The following FGD5 variants were observed in gnomAD, a reference collection of about 807,000 sequenced individuals.
FGD5 encodes the protein FYVE, RhoGEF and PH domain-containing protein 5.
Under a neutral mutation model 133.4 loss-of-function variants are expected in FGD5, and 28 were observed. The ratio of observed to expected loss-of-function variants is 0.21; its 90% CI spans 0.16 to 0.29. The LOEUF (loss-of-function observed/expected upper bound fraction) is 0.29, where lower values mean the gene tolerates loss of function less well. Among genes scored for constraint, FGD5 ranks in the 10% least tolerant of loss-of-function variants. The pLI is 1.00. For missense variants in FGD5, 1,858 were observed against 1,895.2 expected (o/e 0.98, Z 0.36); for synonymous variants, 810 against 776.5 (o/e 1.04, Z -0.72).
At chr3:14,876,475 A>G (rs2037722004) in intron 2 of FGD5, among the ~76,000 whole-genome samples, 1 of 152,248 alleles carries the variant, frequency 6.6e-6, no homozygotes. Flanking sequence ...TGCATTTTAA[A>G]ATAACAAACC....
rs1282217739 is a variant in FGD5 at position 14,917,725 on chromosome 3, C to T, written c.3489+393C>T. Among the ~76,000 whole-genome samples the T allele has an allele frequency of 2.0e-5, 3 of 152,148 alleles. No homozygotes were observed. Among genetic ancestry groups the T allele is most frequent in the Non-Finnish European group, 2.9e-5 (2 of 68,034 alleles). The stretch of plus-strand genomic sequence containing the variant: ...CATTTTTAAATGTACAGTTCTGTGG[C>T]ACTAAGCACATTTACATTGCTGTGT... On this transcript the variant is annotated intron_variant, in intron 12 of 19. Coordinates refer to ENST00000285046, the MANE Select transcript of FGD5 (RefSeq NM_152536.4). The surrounding 1 kb of genome is among the most constrained non-coding windows in gnomAD (Gnocchi z 4.1).
At chr3:14,919,291 C>T (rs1025350086) in intron 13 of FGD5, among the ~76,000 whole-genome samples, 10 of 152,070 alleles carry the variant, frequency 6.6e-5, no homozygotes, top group South Asian at 4.1e-4. Flanking sequence ...GTTGCCCTGT[C>T]TGTGTGGTGT....
intron 1 of FGD5, among the ~76,000 whole-genome samples, chr3:14,852,101 A>G (rs2037175278): frequency 6.6e-6 from 1 of 152,270 alleles, no homozygotes; most frequent in Admixed American, 6.5e-5. Flanking sequence ...TTCTAGGTAT[A>G]TACCCAAGAG....
At chr3:14,872,852 A>T (rs974750044) in intron 2 of FGD5, among the ~76,000 whole-genome samples, 1 of 152,160 alleles carries the variant, frequency 6.6e-6, no homozygotes, top group Admixed American at 6.5e-5. Flanking sequence ...CTGGTAGAAC[A>T]GGGGGCTTAG....
Position 14,917,263 on chromosome 3 carries a change from C to T in FGD5, c.3420C>T (p.Leu1140=), listed in dbSNP as rs373345395. The T allele has an allele frequency of 6.4e-5, 104 of 1,613,452 alleles. No homozygotes were observed. The highest frequency in any genetic ancestry group is 8.5e-5 in the Non-Finnish European group (100 of 1,179,754). Residue 1140 remains leucine, a synonymous_variant, in exon 12 of 20, where the codon CTC becomes CTT. Coordinates refer to ENST00000285046, the MANE Select transcript of FGD5 (RefSeq NM_152536.4). The surrounding 1 kb of genome is among the most constrained non-coding windows in gnomAD (Gnocchi z 4.1). ...PRHLFLMNDV[L]LYTYPQKDGK... ...CCTCTCTCCAGATGAACGATGTGCT[C>T]CTGTACACCTATCCCCAGAAGGATG...
intron 2 of FGD5, among the ~76,000 whole-genome samples, chr3:14,876,338 G>C (rs931190852): frequency 6.6e-6 from 1 of 152,102 alleles, no homozygotes; most frequent in East Asian, 1.9e-4. Flanking sequence ...AAACTTTTTG[G>C]TCTCAGACCC....
intron 1 of FGD5, among the ~76,000 whole-genome samples, chr3:14,854,750 A>AT (rs1345617830): frequency 2.6e-5 from 4 of 152,162 alleles, no homozygotes; most frequent in Non-Finnish European, 5.9e-5. Flanking sequence ...ACAAATAATA[A>AT]TTGTACATAT....
intron 18 of FGD5, among the ~76,000 whole-genome samples, chr3:14,927,825 G>A (rs1043014419): frequency 7.2e-5 from 11 of 152,160 alleles, no homozygotes; most frequent in African/African-American, 1.9e-4. Context: ...GTGCAGTGGT[G>A]TGATCACTGT....
At chr3:14,898,159 T>G in intron 6 of FGD5, 64 bp downstream of exon 6, 1 of 1,593,544 alleles carries the variant, frequency 6.3e-7, no homozygotes, top group South Asian at 1.1e-5. Context: ...GGCGAAGGGC[T>G]TAATGCAAAT....
At chr3:14,923,236 T>C in intron 16 of FGD5, 61 bp downstream of exon 16, 1 of 1,558,134 alleles carries the variant, frequency 6.4e-7, no homozygotes, top group Non-Finnish European at 8.7e-7. Flanking sequence ...CAGGCTCCAG[T>C]GGCTTCTCTG....
At chr3:14,882,386 G>T in intron 4 of FGD5, 3 of 979,440 alleles carry the variant, frequency 3.1e-6, no homozygotes, top group Non-Finnish European at 3.6e-6. Flanking sequence ...AGGATGGGGT[G>T]AAGGGAGAGC....
chr3:14,933,438 C>T lies in FGD5; in HGVS notation c.*271C>T. The T allele has an allele frequency of 2.3e-6, 1 of 431,148 alleles. No individual in the cohort carries two copies. Among genetic ancestry groups the T allele is most frequent in the Middle Eastern group, 5.0e-4 (1 of 1,994 alleles). 26.7% of individuals were successfully genotyped at this position (431,148 alleles called of 1,614,324 possible). A position where few individuals can be genotyped will look rare whatever the true frequency, so the allele number is the denominator to read the frequency against. On this transcript the variant is annotated 3_prime_UTR_variant, in exon 20 of 20. Coordinates refer to ENST00000285046, the MANE Select transcript of FGD5 (RefSeq NM_152536.4). Reference sequence around the variant, plus strand: ...AGTAATAAACTATTTCCTTACCCCGCAGTGAGTTAAAATTTAGTAAGATGA... The same window carrying T: ...AGTAATAAACTATTTCCTTACCCCGTAGTGAGTTAAAATTTAGTAAGATGA...
rs372631397 is a variant in FGD5 at position 14,933,164 on chromosome 3, A to G, written c.4386A>G (p.Leu1462=). The change falls in exon 20 of 20, where the codon TTA becomes TTG. Residue 1462 remains leucine, a synonymous_variant. Coordinates refer to ENST00000285046, the MANE Select transcript of FGD5 (RefSeq NM_152536.4). ...WIEAMEDASV[L] ...AGGCCATGGAAGATGCGAGTGTGTT[A>G]TAGCAGTTATCAAGCATGTGGACTT... The G allele has an allele frequency of 2.1e-5, 34 of 1,613,570 alleles. No homozygotes were observed. Among genetic ancestry groups the G allele is most frequent in the South Asian group, 1.8e-4 (16 of 90,890 alleles).
rs1336875158 is a variant in FGD5, at chr3:14,922,615, C to T, written c.3807+67C>T. The T allele has an allele frequency of 7.9e-6, 12 of 1,516,342 alleles. No homozygotes were observed. The highest frequency in any genetic ancestry group is 1.4e-5 in the African/African-American group (1 of 72,806). The allele number at this position is 1,516,342 out of a possible 1,614,324, so 93.9% of individuals were successfully genotyped here. On this transcript the variant is annotated intron_variant, in intron 15 of 19. Transcript: ENST00000285046. This position sits in a 1 kb window ranked among gnomAD's most constrained non-coding sequence, Gnocchi z 4.1. ...GGTGGGGGAAGGGCATGTCCCTGCC[C>T]AGCCGGGGGCTCAGGGATGTCCAGC...
rs750191711 is a variant in FGD5 at position 14,898,765 on chromosome 3, T to C, written c.3093T>C (p.Thr1031=). 2.5e-6 allele frequency: 4 copies of C among 1,587,366 alleles called. No individual in the cohort carries two copies. The highest frequency in any genetic ancestry group is 3.4e-6 in the Non-Finnish European group (4 of 1,167,300). Residue 1031 remains threonine, a synonymous_variant, in exon 7 of 20, where the codon ACT becomes ACC. Coordinates refer to ENST00000285046, the MANE Select transcript of FGD5 (RefSeq NM_152536.4). ...AGAGTGTACAAGGAGGCAGCCAGAC[T>C]GCGAAGCATCGGCTGCTGCGGGTGG... ...FEQSVQGGSQ[T]AKHRLLRVVQ...
At chr3:14,835,620 G>C (rs1559473832) in intron 1 of FGD5, among the ~76,000 whole-genome samples, 1 of 152,174 alleles carries the variant, frequency 6.6e-6, no homozygotes, top group Non-Finnish European at 1.5e-5. Context: ...AGCTTACAAA[G>C]CTTTTTTCTC....
chr3:14,838,231 T>C (rs2036854548), intron 1 of FGD5, among the ~76,000 whole-genome samples: 1 of 151,388 alleles, frequency 6.6e-6, no homozygotes, highest in African/African-American at 2.4e-5. Context: ...ACTTCTCCAG[T>C]AATGGCGGGT....
Position 14,819,770 on chromosome 3 carries a change from G to C in FGD5, c.699G>C (p.Ser233=), listed in dbSNP as rs752911103. The change falls in exon 1 of 20, where the codon TCG becomes TCC. Residue 233 remains serine (S), a synonymous_variant. Transcript: ENST00000285046. This position sits in a 1 kb window ranked among gnomAD's most constrained non-coding sequence, Gnocchi z 4.1. ...STDPAGADEG[S]GPDRPTEDMG... ...ACCCAGCAGGGGCAGATGAGGGTTCGGGTCCTGACAGGCCCACGGAGGACA... is the reference window on the plus strand; with the variant it reads ...ACCCAGCAGGGGCAGATGAGGGTTCCGGTCCTGACAGGCCCACGGAGGACA... 3.2e-6 allele frequency: 5 copies of C among 1,548,108 alleles called. No homozygotes were observed. Among genetic ancestry groups the C allele is most frequent in the Non-Finnish European group, 3.5e-6 (4 of 1,146,116 alleles).
chr3:14,890,014 T>C (rs867031158), intron 4 of FGD5, among the ~76,000 whole-genome samples: 2 of 152,166 alleles, frequency 1.3e-5, no homozygotes, highest in Non-Finnish European at 2.9e-5. Flanking sequence ...CATTGAGATA[T>C]AAATCTCATA....
Sources: gnomAD v4.1 joint callset for allele counts (sites outside exome capture counted in the v4.1 genomes callset) on GRCh38, gnomAD v4.1.1 for gene constraint, Gnocchi (gnomAD v3.1) non-coding constraint, MANE v1.5 for transcripts, NCBI Gene and HGNC (gene_info 2026-07-23, HGNC 2026-07-21) for gene names.